PKP1: variants seen among roughly 807,000 people sequenced by gnomAD.
PKP1 encodes plakophilin-1.
In PKP1, 27 loss-of-function variants were observed where a neutral mutation model predicts 76.4. The observed-to-expected ratio is 0.35, with a 90% CI of 0.26 to 0.49. PKP1 has a LOEUF of 0.49. PKP1 is among the 20% of genes least tolerant of loss of function. PKP1 has a pLI of 0.99. For missense variants in PKP1, 964 were observed against 955.2 expected, an observed-to-expected ratio of 1.01 and a Z score of -0.12; for synonymous variants, 404 against 384.2, an observed-to-expected ratio of 1.05 and a Z score of -0.60.
chr1:201,283,686 A>AACCGCCT lies in PKP1; in HGVS notation c.-17_-16insACCGCCT, dbSNP rs1558180195. 1 of 1,610,448 alleles carries AACCGCCT rather than the reference A, an allele frequency of 6.2e-7. No homozygotes were observed. The highest frequency in any genetic ancestry group is 8.5e-7 in the Non-Finnish European group (1 of 1,178,180). ...CTCTCCTAGGCCCCGGCCGCGCGCC[A>AACCGCCT]CCCGCCTCCCGCCACCATGAACCAC... On this transcript the variant is annotated 5_prime_UTR_variant, in exon 1 of 14. Transcript: ENST00000367324.
In PKP1 at chr1:201,321,761, C is replaced by T. The variant is rs117966004; in HGVS notation, c.1348-217C>T. ...TAGCTGAGGCCCAGAGAAGTGAGGCCAGTCAAGTTCATGCAGCCAGGAAAT... is the reference window on the plus strand; with the variant it reads ...TAGCTGAGGCCCAGAGAAGTGAGGCTAGTCAAGTTCATGCAGCCAGGAAAT... On this transcript the variant is annotated intron_variant, in intron 7 of 13. Transcript: ENST00000367324. Among the ~76,000 whole-genome samples the T allele has an allele frequency of 2.8e-4, 42 of 152,248 alleles. No homozygotes were observed. The East Asian group carries it at 5.4e-3, about 20-fold the overall frequency.
rs886045827 is a variant in PKP1 at position 201,332,900 on chromosome 1, G to A, written c.*2859G>A. ...CATGTTTGTAGAGGAACCTTGTGCC[G>A]GCCAGGCCCAGTTTCCTTGTGTGAT... On this transcript the variant is annotated 3_prime_UTR_variant, in exon 14 of 14. Coordinates refer to ENST00000367324, the MANE Select transcript of PKP1 (RefSeq NM_001005337.3). The A allele has an allele frequency of 3.3e-5, 5 of 152,194 alleles. No homozygotes were observed. The South Asian group carries it at 8.3e-4, about 25-fold the overall frequency. 9.4% of individuals were successfully genotyped at this position (152,194 alleles called of 1,614,324 possible). A position where few individuals can be genotyped will look rare whatever the true frequency, so the allele number is the denominator to read the frequency against.
At chr1:201,321,874 G>A in intron 7 of PKP1, 104 bp from the exon 8 acceptor site, 1 of 1,336,586 alleles carries the variant, frequency 7.5e-7, no homozygotes. Flanking sequence ...CTTTCCCGAT[G>A]CAGCCCAGGT....
chr1:201,324,136 C>T (rs886405699), intron 9 of PKP1, among the ~76,000 whole-genome samples: 2 of 152,076 alleles, frequency 1.3e-5, no homozygotes, highest in African/African-American at 2.4e-5. Context: ...CAGCATTGGA[C>T]GCTTGGGTTA....
chr1:201,318,207 A>C (rs1009985919), intron 5 of PKP1, among the ~76,000 whole-genome samples: 2 of 152,182 alleles, frequency 1.3e-5, no homozygotes, highest in Non-Finnish European at 2.9e-5. Context: ...CACCGTGAAG[A>C]CCTAGAATTG....
intron 2 of PKP1, among the ~76,000 whole-genome samples, chr1:201,303,333 G>A (rs1656290157): frequency 6.6e-6 from 1 of 151,950 alleles, no homozygotes; most frequent in South Asian, 2.1e-4. Flanking sequence ...TCACTATGTT[G>A]CCCAGGCTGG....
rs1656847450 is a variant in PKP1 at position 201,318,710 on chromosome 1, T to C, written c.1147T>C (p.Phe383Leu). ...TCTGGCCGACCGCGTCATCATTCCC[T>C]TCTCTGGCTGGTGCGATGGCAATAG... ...PVLADRVIIP[F>L]SGWCDGNSNM... The change falls in exon 6 of 14, where the codon TTC becomes CTC. Residue 383 changes from phenylalanine (F) to leucine (L), a missense_variant. Phe to Leu is a conservative substitution (Grantham distance 22, BLOSUM62 0). Transcript: ENST00000367324. 2 of 1,612,308 alleles carry C rather than the reference T, an allele frequency of 1.2e-6. No homozygotes were observed. Among genetic ancestry groups the C allele is most frequent in the Middle Eastern group, 2.2e-4 (1 of 4,636 alleles).
chr1:201,297,389 G>A (rs976076142), intron 2 of PKP1, among the ~76,000 whole-genome samples: 3 of 152,182 alleles, frequency 2.0e-5, no homozygotes, highest in African/African-American at 4.8e-5. Flanking sequence ...GTGAGATGGA[G>A]CAAAAGATGG....
chr1:201,311,308 C>T (rs1277385393), intron 2 of PKP1, among the ~76,000 whole-genome samples: 3 of 152,198 alleles, frequency 2.0e-5, no homozygotes, highest in Non-Finnish European at 4.4e-5. Flanking sequence ...AGCTGCTCTC[C>T]CCATGCCTTG....
chr1:201,289,010 G>A (rs1655820889), intron 1 of PKP1, among the ~76,000 whole-genome samples: 1 of 152,216 alleles, frequency 6.6e-6, no homozygotes, highest in Non-Finnish European at 1.5e-5. Flanking sequence ...AGTGCCCGGT[G>A]AGGCTGTGCT....
At position 201,313,510 on chromosome 1, in the gene PKP1, C is replaced by T. The variant is rs757391079; in HGVS notation, c.651C>T (p.Pro217=). 45 of 1,614,046 alleles carry T rather than the reference C, an allele frequency of 2.8e-5. No homozygotes were observed. In the East Asian group the frequency reaches 7.6e-4, roughly 27 times the overall value. The stretch of plus-strand genomic sequence containing the variant: ...AGCAGGACCCTGTGTATATCCCGCC[C>T]ATCTCCTGCAACAAGGACCTGTCCT... ...ASKQDPVYIP[P]ISCNKDLSFG... is the part of the protein sequence containing the mutation. The change falls in exon 3 of 14, where the codon CCC becomes CCT. Residue 217 remains proline (P), a synonymous_variant. Coordinates refer to ENST00000367324, the MANE Select transcript of PKP1 (RefSeq NM_001005337.3).
intron 2 of PKP1, among the ~76,000 whole-genome samples, chr1:201,305,429 A>T (rs1656344448): frequency 6.6e-6 from 1 of 152,138 alleles, no homozygotes; most frequent in Non-Finnish European, 1.5e-5. Context: ...AGGTGGAAGG[A>T]TTGTTTCAGC....
chr1:201,293,000 T>C (rs1391902619), intron 1 of PKP1, among the ~76,000 whole-genome samples: 3 of 151,248 alleles, frequency 2.0e-5, no homozygotes, highest in Admixed American at 1.3e-4. Context: ...CTTCCTGGAG[T>C]GGGTGAGGTC....
intron 1 of PKP1, 22 bp downstream of exon 1, chr1:201,283,926 G>A: frequency 6.2e-7 from 1 of 1,608,194 alleles, no homozygotes; most frequent in Non-Finnish European, 8.5e-7. Context: ...GCCCCCGCGT[G>A]GTCCGTGCGC....
intron 2 of PKP1, among the ~76,000 whole-genome samples, chr1:201,301,781 C>A (rs1235515615): frequency 2.5e-4 from 38 of 151,754 alleles, no homozygotes; most frequent in Non-Finnish European, 2.9e-5. Flanking sequence ...CTCAACCAAC[C>A]AGTATTTAAA....
At chr1:201,283,997 T>TGAGGGGAGGC in intron 1 of PKP1, 93 bp downstream of exon 1, 1 of 1,161,690 alleles carries the variant, frequency 8.6e-7, no homozygotes, top group Non-Finnish European at 1.3e-6. Flanking sequence ...TCCCCGGGGA[T>TGAGGGGAGGC]GAGGGGAGGC....
At chr1:201,304,531 A>G (rs935881112) in intron 2 of PKP1, among the ~76,000 whole-genome samples, 2 of 152,210 alleles carry the variant, frequency 1.3e-5, no homozygotes, top group African/African-American at 4.8e-5. Context: ...TTTGGGCATT[A>G]GAATTGTGAC....
At position 201,323,126 on chromosome 1, in the gene PKP1, G is replaced by A. The variant is rs773149599; in HGVS notation, c.1617G>A (p.Lys539=). Residue 539 remains lysine (K), a synonymous_variant, in exon 9 of 14, where the codon AAG becomes AAA. Coordinates refer to ENST00000367324, the MANE Select transcript of PKP1 (RefSeq NM_001005337.3). ...ACCTGAACCTCATGGGCAAGAGCAAGAAAGATGCTACCCTGGAGGCCTGTG... is the reference window on the plus strand; with the variant it reads ...ACCTGAACCTCATGGGCAAGAGCAAAAAAGATGCTACCCTGGAGGCCTGTG... ...RTYLNLMGKS[K]KDATLEACAG... The A allele has an allele frequency of 1.2e-6, 2 of 1,614,056 alleles. No individual in the cohort carries two copies. Among genetic ancestry groups the A allele is most frequent in the Non-Finnish European group, 8.5e-7 (1 of 1,180,048 alleles).
chr1:201,318,699 T>C lies in PKP1; in HGVS notation c.1136T>C (p.Val379Ala). 6.2e-7 allele frequency: 1 copy of C among 1,612,348 alleles called. No individual in the cohort carries two copies. Among genetic ancestry groups the C allele is most frequent in the Non-Finnish European group, 8.5e-7 (1 of 1,179,902 alleles). ...GCCCTGCCTGTTCTGGCCGACCGCG[T>C]CATCATTCCCTTCTCTGGCTGGTGC... ...ADALPVLADR[V>A]IIPFSGWCDG... Residue 379 changes from valine to alanine, a missense_variant, in exon 6 of 14, where the codon GTC (valine) becomes GCC (alanine). Val to Ala is a moderately conservative substitution (Grantham distance 64, BLOSUM62 0). Transcript: ENST00000367324.
Sources: gnomAD v4.1 joint callset for allele counts (sites outside exome capture counted in the v4.1 genomes callset) on GRCh38, gnomAD v4.1.1 for gene constraint, MANE v1.5 for transcripts, NCBI Gene and HGNC (gene_info 2026-07-23, HGNC 2026-07-21) for gene names.